The following CREB3L3 variants were observed in gnomAD, a reference collection of about 807,000 sequenced individuals.
CREB3L3 encodes the protein cyclic AMP-responsive element-binding protein 3-like protein 3.
In CREB3L3, 40 loss-of-function variants were observed where a neutral mutation model predicts 44.6. The ratio of observed to expected loss-of-function variants is 0.90; its 90% confidence interval spans 0.70 to 1.17. The LOEUF is 1.17. Ranked by LOEUF, CREB3L3 falls within the 50% of genes most tolerant of loss-of-function variation. The probability of loss-of-function intolerance (pLI) is 0.00; values close to 1 mark genes in which losing one functional copy is unlikely to be tolerated. For synonymous variants in CREB3L3, 273 were observed against 256.3 expected (o/e 1.06, Z -0.62); for missense variants, 578 against 595.8 (o/e 0.97, Z 0.31).
At chr19:4,164,078 A>G (rs1417945971) in intron 4 of CREB3L3, among the ~76,000 whole-genome samples, 1 of 141,590 alleles carries the variant, frequency 7.1e-6, no homozygotes, top group Non-Finnish European at 1.5e-5. Context: ...GGTTCAAGCG[A>G]TTCTCCTGCC....
intron 5 of CREB3L3, among the ~76,000 whole-genome samples, chr19:4,166,970 G>T (rs185552074): frequency 6.6e-6 from 1 of 151,436 alleles, no homozygotes. Context: ...GGACTTATGC[G>T]ATCCTCTTGC....
intron 3 of CREB3L3, among the ~76,000 whole-genome samples, chr19:4,159,430 C>T (rs535943067): frequency 1.4e-4 from 15 of 110,654 alleles, no homozygotes; most frequent in East Asian, 1.2e-3. Context: ...GGAATACAGG[C>T]GTGAGCCACC....
intron 4 of CREB3L3, among the ~76,000 whole-genome samples, chr19:4,161,208 C>A (rs2041659171): frequency 6.6e-6 from 1 of 152,052 alleles, no homozygotes; most frequent in South Asian, 2.1e-4. Context: ...GTGATCTGCC[C>A]ACCTCGGCCT....
At chr19:4,163,375 A>G (rs1009783209) in intron 4 of CREB3L3, among the ~76,000 whole-genome samples, 8 of 139,378 alleles carry the variant, frequency 5.7e-5, no homozygotes, top group Admixed American at 1.6e-4. Context: ...AAGGAAGGAA[A>G]GAAAGAAAGA....
intron 3 of CREB3L3, among the ~76,000 whole-genome samples, chr19:4,158,799 C>CA (rs760741012): frequency 0.041 from 2,623 of 63,730 alleles, 58 homozygotes; most frequent in African/African-American, 0.071. Flanking sequence ...GACTCCGTCT[C>CA]AAAAAAAAAA....
chr19:4,164,335 T>G (rs2041698429), intron 4 of CREB3L3, 168 bp from the exon 5 acceptor site: 1 of 799,022 alleles, frequency 1.3e-6, no homozygotes, highest in Admixed American at 1.9e-5. Flanking sequence ...CTCGATCTCC[T>G]GAGCTCAAGT....
At position 4,154,613 on chromosome 19, in the gene CREB3L3, A is replaced by G. The variant is rs372142781; in HGVS notation, c.28-286A>G. On this transcript the variant is annotated intron_variant, in intron 1 of 9. Coordinates refer to ENST00000078445, the MANE Select transcript of CREB3L3 (RefSeq NM_032607.3). The stretch of plus-strand genomic sequence containing the variant: ...GGTCTTGAACTCCTGGGCTCAAGTG[A>G]TCCTCCTGCCCCGGCCTCCCAAAGT... 1.2e-3 allele frequency among the ~76,000 whole-genome samples: 178 copies of G among 151,984 alleles called. 1 individual carries two copies. Among genetic ancestry groups the G allele is most frequent in the African/African-American group, 4.2e-3 (175 of 41,462 alleles).
At chr19:4,165,725 G>T (rs57695164) in intron 5 of CREB3L3, among the ~76,000 whole-genome samples, 1,785 of 151,878 alleles carry the variant, frequency 0.012, 33 homozygotes, top group African/African-American at 0.04. Context: ...GCTGTGCCTG[G>T]TGGTGGGCAA....
chr19:4,163,400 C>T (rs1452012514), intron 4 of CREB3L3, among the ~76,000 whole-genome samples: 1 of 149,026 alleles, frequency 6.7e-6, no homozygotes, highest in African/African-American at 2.5e-5. Context: ...TGTCCATATG[C>T]CATTTTGCGC....
intron 2 of CREB3L3, among the ~76,000 whole-genome samples, chr19:4,155,427 C>T (rs1003422759): frequency 1.3e-5 from 2 of 149,260 alleles, no homozygotes; most frequent in African/African-American, 4.9e-5. Context: ...GGTGCCATCT[C>T]GGCTCACTGC....
rs1967047183 is a variant in CREB3L3 at position 4,171,506 on chromosome 19, T to G, written c.1072+27T>G. 1.2e-6 allele frequency: 2 copies of G among 1,610,974 alleles called. No homozygotes were observed. Among genetic ancestry groups the G allele is most frequent in the South Asian group, 2.2e-5 (2 of 91,006 alleles). ...TAGGGGATCCCCACCTTTGAAACCC[T>G]TGTCTGGTCTCCCCAAGTCCCCGTC... On this transcript the variant is annotated intron_variant, in intron 9 of 9. Coordinates refer to ENST00000078445, the MANE Select transcript of CREB3L3 (RefSeq NM_032607.3). The surrounding 1 kb of genome is among the most constrained non-coding windows in gnomAD (Gnocchi z 4.9).
rs767363467 is a variant in CREB3L3, at chr19:4,154,886, C to T, written c.28-13C>T. The T allele has an allele frequency of 4.3e-6, 7 of 1,613,704 alleles. No homozygotes were observed. The highest frequency in any genetic ancestry group is 5.1e-6 in the Non-Finnish European group (6 of 1,180,020). ...GCTGTATGTGACCCTCACATCTGTTCCTCGCGCCCCAGATGGCTTCTGCTG... is the reference window on the plus strand; with the variant it reads ...GCTGTATGTGACCCTCACATCTGTTTCTCGCGCCCCAGATGGCTTCTGCTG... On this transcript the variant is annotated splice_polypyrimidine_tract_variant and intron_variant, in intron 1 of 9. Transcript: ENST00000078445.
In CREB3L3 at chr19:4,172,083, G is replaced by T. The variant is rs1264967467; in HGVS notation, c.*114G>T. On this transcript the variant is annotated 3_prime_UTR_variant, in exon 10 of 10. Transcript: ENST00000078445. Reference sequence around the variant, plus strand: ...GTGAGGCCAAGACCCCAGCAGAGATGCCAGAATGGGGGAGGCACAGCTCAT... The same window carrying T: ...GTGAGGCCAAGACCCCAGCAGAGATTCCAGAATGGGGGAGGCACAGCTCAT... 5 of 1,116,284 alleles carry T rather than the reference G, an allele frequency of 4.5e-6. No individual in the cohort carries two copies. The East Asian group carries it at 1.0e-4, about 23-fold the overall frequency. The allele number at this position is 1,116,284 out of a possible 1,614,324, so 69.1% of individuals were successfully genotyped here. A position where few individuals can be genotyped will look rare whatever the true frequency, so the allele number is the denominator to read the frequency against.
At chr19:4,157,417 C>A in intron 3 of CREB3L3, 122 bp downstream of exon 3, 1 of 1,118,686 alleles carries the variant, frequency 8.9e-7, no homozygotes, top group Non-Finnish European at 1.3e-6. Context: ...CAATTTGGAG[C>A]TGGGCCCAGA....
chr19:4,168,474 C>A lies in CREB3L3; in HGVS notation c.821+17C>A. The A allele has an allele frequency of 6.4e-7, 1 of 1,566,818 alleles. No homozygotes were observed. The highest frequency in any genetic ancestry group is 1.1e-5 in the South Asian group (1 of 89,334). On this transcript the variant is annotated intron_variant, in intron 6 of 9. Transcript: ENST00000078445. ...GGAGACTCGGTGGGTAGTGCTGGAC[C>A]CAGACTCTACACTCGTGGAGGAAAC...
chr19:4,168,479 C>A, intron 6 of CREB3L3, 22 bp downstream of exon 6: 2 of 1,554,186 alleles, frequency 1.3e-6, no homozygotes, highest in Non-Finnish European at 1.8e-6. Context: ...TGGACCCAGA[C>A]TCTACACTCG....
At chr19:4,153,860 C>T in intron 1 of CREB3L3, 86 bp downstream of exon 1, 5 of 1,407,842 alleles carry the variant, frequency 3.6e-6, no homozygotes, top group Non-Finnish European at 5.0e-6. Flanking sequence ...GACCCCATCT[C>T]CACCCCTATT....
chr19:4,164,617 C>A lies in CREB3L3; in HGVS notation c.691C>A (p.Pro231Thr), dbSNP rs754035176. ...GCTGGCTAAAGAAGGCATCACCCTG[C>A]CCACTCAGCTGCCCCTCACTAAGGT... ...KLLAKEGITL[P>T]TQLPLTKYEE... Residue 231 changes from proline to threonine, a missense_variant, in exon 5 of 10, where the codon CCC becomes ACC. Coordinates refer to ENST00000078445, the MANE Select transcript of CREB3L3 (RefSeq NM_032607.3). 2 of 1,614,058 alleles carry A rather than the reference C, an allele frequency of 1.2e-6. No homozygotes were observed. The highest frequency in any genetic ancestry group is 2.2e-5 in the South Asian group (2 of 91,086).
At chr19:4,153,884 G>C in intron 1 of CREB3L3, 110 bp downstream of exon 1, 1 of 1,244,596 alleles carries the variant, frequency 8.0e-7, no homozygotes, top group South Asian at 1.3e-5. Context: ...CAGATGGGAA[G>C]ACTGAGGCCC....
Sources: allele counts gnomAD v4.1 joint callset (sites outside exome capture counted in the v4.1 genomes callset), GRCh38; gene constraint gnomAD v4.1.1; non-coding constraint Gnocchi (gnomAD v3.1); transcripts MANE v1.5; gene names NCBI Gene and HGNC (gene_info 2026-07-23, HGNC 2026-07-21).